Variants in MOCS2 observed in about 807,000 individuals in gnomAD.
The protein encoded by MOCS2 is molybdenum cofactor synthesis 2.
A neutral mutation model predicts 21.9 loss-of-function variants in MOCS2; 13 were observed. That is an observed-to-expected ratio of 0.59 (90% CI 0.39 to 0.94). MOCS2 has a LOEUF of 0.94. Among genes scored for constraint, MOCS2 ranks in the 40% least tolerant of loss-of-function variants. MOCS2 has a pLI of 0.00. For synonymous variants in MOCS2, 92 were observed against 80.8 expected, an observed-to-expected ratio of 1.14 and a Z score of -0.74; for missense variants, 227 against 218.3, an observed-to-expected ratio of 1.04 and a Z score of -0.25.
chr5:53,098,822 T>C (rs745335428), intron 6 of MOCS2, 155 bp from the exon 7 acceptor site: 54 of 661,428 alleles, frequency 8.2e-5, no homozygotes, highest in South Asian at 7.3e-5. Context: ...CAAGGTTACA[T>C]AGGGGAAGAC....
At position 53,098,219 on chromosome 5, in the gene MOCS2, G is replaced by A. The variant is rs569440870; in HGVS notation, c.*383C>T. 2 of 212,334 alleles carry A rather than the reference G, an allele frequency of 9.4e-6. No homozygotes were observed. Among genetic ancestry groups the A allele is most frequent in the Non-Finnish European group, 1.9e-5 (2 of 104,960 alleles). 13.2% of individuals were successfully genotyped at this position (212,334 alleles called of 1,614,324 possible). Reference sequence around the variant, plus strand: ...TTAATAACAATGCTCTCCCAGAACCGGGATGGGGGGCGGTGAGGTGGGGTT... The same window carrying A: ...TTAATAACAATGCTCTCCCAGAACCAGGATGGGGGGCGGTGAGGTGGGGTT... On this transcript the variant is annotated 3_prime_UTR_variant, in exon 7 of 7. Coordinates refer to ENST00000396954, the MANE Select transcript of MOCS2 (RefSeq NM_004531.5).
chr5:53,102,741 G>A (rs1286499922), intron 3 of MOCS2, among the ~76,000 whole-genome samples: 3 of 152,088 alleles, frequency 2.0e-5, no homozygotes, highest in African/African-American at 7.2e-5. Flanking sequence ...GGGGTCAGGA[G>A]TTTGAGACCA....
intron 3 of MOCS2, among the ~76,000 whole-genome samples, chr5:53,104,794 TATG>T (rs1032083433): frequency 1.1e-4 from 17 of 152,200 alleles, no homozygotes; most frequent in Non-Finnish European, 2.2e-4. Flanking sequence ...TGCCATTAAA[TATG>T]ATATTTACTC....
rs770056968 is a variant in MOCS2 at position 53,096,198 on chromosome 5, CTG to C, written c.*2402_*2403del. 3.9e-5 allele frequency: 6 copies of C among 152,198 alleles called. No individual in the cohort carries two copies. Among genetic ancestry groups the C allele is most frequent in the Admixed American group, 1.3e-4 (2 of 15,280 alleles). The allele number at this position is 152,198 out of a possible 1,614,324, so 9.4% of individuals were successfully genotyped here. A position where few individuals can be genotyped will look rare whatever the true frequency, so the allele number is the denominator to read the frequency against. ...CTTCACTGTACCAGGTGCTCAGTAA[CTG>C]TGTAAGATGTCTAAATCACTTATTT... On this transcript the variant is annotated 3_prime_UTR_variant, in exon 7 of 7. Coordinates refer to ENST00000396954, the MANE Select transcript of MOCS2 (RefSeq NM_004531.5).
intron 1 of MOCS2, 32 bp from the exon 2 acceptor site, chr5:53,108,675 C>T (rs982533797): frequency 1.2e-6 from 2 of 1,605,496 alleles, no homozygotes; most frequent in African/African-American, 1.3e-5. Flanking sequence ...TTAATAACAA[C>T]TCATACTCGT....
In MOCS2 at chr5:53,097,490, AG is replaced by A. The variant is rs1740777544; in HGVS notation, c.*1111del. 6.6e-6 allele frequency: 1 copy of A among 152,202 alleles called. No individual in the cohort carries two copies. The highest frequency in any genetic ancestry group is 2.4e-5 in the African/African-American group (1 of 41,448). 9.4% of individuals were successfully genotyped at this position (152,202 alleles called of 1,614,324 possible). ...AAATCCTTCAATCTAAGTGTCTGAA[AG>A]TATAGCTTTTGTTCTTAATATGCAT... On this transcript the variant is annotated 3_prime_UTR_variant, in exon 7 of 7. Coordinates refer to ENST00000396954, the MANE Select transcript of MOCS2 (RefSeq NM_004531.5).
chr5:53,100,612 A>G, intron 5 of MOCS2, 78 bp from the exon 6 acceptor site: 2 of 1,507,334 alleles, frequency 1.3e-6, no homozygotes, highest in Non-Finnish European at 1.8e-6. Flanking sequence ...GACAGATGAA[A>G]AAAAATCCAG....
Position 53,109,584 on chromosome 5 carries a change from G to T in MOCS2, c.-503C>A, listed in dbSNP as rs953775967. 2.8e-6 allele frequency: 4 copies of T among 1,436,526 alleles called. No homozygotes were observed. The Admixed American group carries it at 7.8e-5, about 28-fold the overall frequency. The allele number at this position is 1,436,526 out of a possible 1,614,324, so 89.0% of individuals were successfully genotyped here. A position where few individuals can be genotyped will look rare whatever the true frequency, so the allele number is the denominator to read the frequency against. ...GCGGGGGCGCCCCCGAACCCAAGAC[G>T]CCGGCCAGGTTGGGGGCTAGTGGGG... is the stretch of plus-strand genomic sequence containing the variant. On this transcript the variant is annotated 5_prime_UTR_variant, in exon 1 of 7. Coordinates refer to ENST00000396954, the MANE Select transcript of MOCS2 (RefSeq NM_004531.5).
chr5:53,098,437 T>TC lies in MOCS2; in HGVS notation c.*164dup. ...TAGTTCCATTTTAAATAACCCTTCA[T>TC]CCTACATACCCATTTATCTTGCTTC... On this transcript the variant is annotated 3_prime_UTR_variant, in exon 7 of 7. Transcript: ENST00000396954. 3 of 652,574 alleles carry TC rather than the reference T, an allele frequency of 4.6e-6. No individual in the cohort carries two copies. The highest frequency in any genetic ancestry group is 1.8e-5 in the South Asian group (1 of 54,944). 40.4% of individuals were successfully genotyped at this position (652,574 alleles called of 1,614,324 possible).
At chr5:53,105,650 T>C (rs1741030069) in intron 3 of MOCS2, among the ~76,000 whole-genome samples, 1 of 152,130 alleles carries the variant, frequency 6.6e-6, no homozygotes, top group South Asian at 2.1e-4. Context: ...AACACCATTC[T>C]GGACATAAGA....
rs2233217 is a variant in MOCS2, at chr5:53,101,440, G to A, written c.296C>T (p.Ala99Val). Residue 99 changes from alanine (A) to valine (V), a missense_variant, in exon 5 of 7, where the codon GCG becomes GTG. Transcript: ENST00000396954. ...ACAAATCTTTCTGACTTCATTTTCCGCCATGGGTAGATATGCTTCATATTC... is the reference window on the plus strand; with the variant it reads ...ACAAATCTTTCTGACTTCATTTTCCACCATGGGTAGATATGCTTCATATTC... ...SLEYEAYLPM[A>V]ENEVRKICSD... 1.0e-3 allele frequency: 1,661 copies of A among 1,612,800 alleles called. 11 individuals are homozygous for A. Among genetic ancestry groups the A allele is most frequent in the South Asian group, 3.1e-3 (286 of 91,050 alleles).
chr5:53,101,324 A>G (rs1449898886), intron 5 of MOCS2, 35 bp downstream of exon 5: 3 of 1,597,410 alleles, frequency 1.9e-6, no homozygotes, highest in East Asian at 2.2e-5. Context: ...GAAAACAATT[A>G]CACTTAACTT....
intron 3 of MOCS2, among the ~76,000 whole-genome samples, chr5:53,106,711 T>C (rs1395725538): frequency 6.6e-6 from 1 of 152,212 alleles, no homozygotes; most frequent in African/African-American, 2.4e-5. Flanking sequence ...TTTCACTTAT[T>C]AGCTATGTGA....
intron 2 of MOCS2, 72 bp from the exon 3 acceptor site, chr5:53,107,293 A>ATCTAT: frequency 7.4e-7 from 1 of 1,355,996 alleles, no homozygotes; most frequent in Non-Finnish European, 1.0e-6. Context: ...CTGCAATTAG[A>ATCTAT]GATATTACAT....
chr5:53,108,735 T>C (rs1741121258), intron 1 of MOCS2, 92 bp from the exon 2 acceptor site: 10 of 1,312,524 alleles, frequency 7.6e-6, no homozygotes, highest in Non-Finnish European at 9.3e-6. Flanking sequence ...AATGTATTGC[T>C]TTAATCAAAG....
chr5:53,098,704 C>T (rs1740823491), intron 6 of MOCS2, 37 bp from the exon 7 acceptor site: 1 of 1,336,624 alleles, frequency 7.5e-7, no homozygotes, highest in Non-Finnish European at 1.1e-6. Context: ...TAAAAATAGA[C>T]CATTCTACTA....
Position 53,102,143 on chromosome 5 carries a change from T to G in MOCS2, c.180A>C (p.Ser60=). 6.2e-7 allele frequency: 1 copy of G among 1,613,730 alleles called. No individual in the cohort carries two copies. The highest frequency in any genetic ancestry group is 1.1e-5 in the South Asian group (1 of 91,060). ...CACAGAGCGGAGAAATCACCAACTG[T>G]GAGACTTCATCTACTGAAAGTTTCT... ...TAEKLSVDEV[S]QLVISPLCGA... is the part of the protein sequence containing the mutation. Residue 60 remains serine (S), a synonymous_variant, in exon 4 of 7, where the codon TCA becomes TCC. Coordinates refer to ENST00000396954, the MANE Select transcript of MOCS2 (RefSeq NM_004531.5).
At chr5:53,100,567 A>T (rs759323985) in intron 5 of MOCS2, 33 bp from the exon 6 acceptor site, 1 of 1,610,976 alleles carries the variant, frequency 6.2e-7, no homozygotes, top group South Asian at 1.1e-5. Context: ...AAAAATCACC[A>T]TCATCTCTGA....
chr5:53,099,048 A>T (rs181542467), intron 6 of MOCS2, among the ~76,000 whole-genome samples: 7 of 152,268 alleles, frequency 4.6e-5, no homozygotes, highest in African/African-American at 1.7e-4. Flanking sequence ...CCTATATCAC[A>T]GATGATCTCA....
Sources: gnomAD v4.1 joint callset for allele counts (sites outside exome capture counted in the v4.1 genomes callset) on GRCh38, gnomAD v4.1.1 for gene constraint, MANE v1.5 for transcripts, NCBI Gene and HGNC (gene_info 2026-07-23, HGNC 2026-07-21) for gene names.